THSD7A: variants seen among roughly 807,000 people sequenced by gnomAD.
THSD7A encodes the protein thrombospondin type-1 domain-containing protein 7A.
THSD7A carries 96 observed loss-of-function variants against 231.3 expected under a neutral mutation model. That is an observed-to-expected ratio of 0.41 (90% CI 0.35 to 0.49). The LOEUF (loss-of-function observed/expected upper bound fraction) is 0.49, where lower values mean the gene tolerates loss of function less well. Ranked by LOEUF, THSD7A falls within the 20% of genes least tolerant of loss-of-function variation. The pLI, the probability that THSD7A is intolerant of heterozygous loss-of-function variation, is 0.05. For missense variants in THSD7A, 2,290 were observed against 2,070.2 expected, an observed-to-expected ratio of 1.11 and a Z score of -2.06; for synonymous variants, 940 against 743.3, an observed-to-expected ratio of 1.26 and a Z score of -4.30.
chr7:11,472,300 A>C (rs1785969356), intron 8 of THSD7A, among the ~76,000 whole-genome samples: 1 of 152,082 alleles, frequency 6.6e-6, no homozygotes, highest in Non-Finnish European at 1.5e-5. Context: ...ATAGGAACTG[A>C]AGTTTGTTAC....
At chr7:11,563,134 G>A (rs6979760) in intron 4 of THSD7A, among the ~76,000 whole-genome samples, 85,130 of 151,810 alleles carry the variant, frequency 0.56, 24,162 homozygotes, top group Middle Eastern at 0.67. Context: ...AATCATAGAA[G>A]TTTATTTCCT....
At chr7:11,422,155 G>A (rs112591398) in intron 16 of THSD7A, among the ~76,000 whole-genome samples, 1 of 151,608 alleles carries the variant, frequency 6.6e-6, no homozygotes. Context: ...GATTTAAAAA[G>A]CAACAATAAC....
chr7:11,631,356 G>A (rs1781648437), intron 2 of THSD7A, among the ~76,000 whole-genome samples: 1 of 152,038 alleles, frequency 6.6e-6, no homozygotes, highest in South Asian at 2.1e-4. Context: ...GCAGGGGAGT[G>A]GAGTAAAATT....
Position 11,402,022 on chromosome 7 carries a change from C to T in THSD7A, c.4238-54G>A, listed in dbSNP as rs553888560. ...CCATATCCACAGAGAAAAGCCAGCC[C>T]GATAATCATTTTAATTCCAACCCCA... On this transcript the variant is annotated intron_variant, in intron 22 of 27. Coordinates refer to ENST00000423059, the MANE Select transcript of THSD7A (RefSeq NM_015204.3). 71 of 1,505,962 alleles carry T rather than the reference C, an allele frequency of 4.7e-5. No individual in the cohort carries two copies. In the African/African-American group the frequency reaches 6.4e-4, roughly 14 times the overall value. 93.3% of individuals were successfully genotyped at this position (1,505,962 alleles called of 1,614,324 possible).
intron 4 of THSD7A, among the ~76,000 whole-genome samples, chr7:11,584,816 T>C (rs531437782): frequency 2.4e-4 from 36 of 152,336 alleles, no homozygotes; most frequent in African/African-American, 8.2e-4. Flanking sequence ...GACTAGATCA[T>C]GTGTCCTCTA....
chr7:11,471,620 T>A (rs554945680), intron 8 of THSD7A, among the ~76,000 whole-genome samples: 3 of 148,758 alleles, frequency 2.0e-5, no homozygotes, highest in Non-Finnish European at 4.4e-5. Context: ...TATTTAAGGA[T>A]TCAACATTTC....
Position 11,636,752 on chromosome 7 carries a change from GCT to G in THSD7A, c.398_399del (p.Gln133ProfsTer12). On this transcript the variant is annotated frameshift_variant, in exon 2 of 28. Coordinates refer to ENST00000423059, the MANE Select transcript of THSD7A (RefSeq NM_015204.3). LOFTEE classifies it high-confidence loss of function. The surrounding 1 kb of genome is among the most constrained non-coding windows in gnomAD (Gnocchi z 10.0). ...DWRLGPWNQCQPVISKSLEKP... is the reference protein window; with the variant it reads ...DWRLGPWNQCXPVISKSLEKP... Reference sequence around the variant, plus strand: ...TTCTCTAGGCTTTTTGAAATCACGGGCTGACACTGATTCCAAGGTCCCAGTCT... The same window carrying G: ...TTCTCTAGGCTTTTTGAAATCACGGGGACACTGATTCCAAGGTCCCAGTCT... 6.2e-7 allele frequency: 1 copy of G among 1,613,682 alleles called. No individual in the cohort carries two copies. The highest frequency in any genetic ancestry group is 2.2e-5 in the East Asian group (1 of 44,868).
At chr7:11,379,332 T>C in intron 25 of THSD7A, 52 bp from the exon 26 acceptor site, 1 of 1,572,126 alleles carries the variant, frequency 6.4e-7, no homozygotes, top group South Asian at 1.1e-5. Context: ...TCTTTGGAAG[T>C]CTAACAGACC....
chr7:11,685,813 T>G (rs943263839), intron 1 of THSD7A, among the ~76,000 whole-genome samples: 4 of 151,980 alleles, frequency 2.6e-5, no homozygotes, highest in Non-Finnish European at 5.9e-5. Context: ...ATTTGAAGAT[T>G]TCTCAAAGAA....
chr7:11,759,650 A>ATACACATACACC (rs1491039145), intron 1 of THSD7A, among the ~76,000 whole-genome samples: 2 of 152,074 alleles, frequency 1.3e-5, no homozygotes, highest in East Asian at 3.9e-4. Context: ...ACACATACAC[A>ATACACATACACC]TATACACACA....
At chr7:11,456,679 C>T (rs926898942) in intron 11 of THSD7A, among the ~76,000 whole-genome samples, 21 of 151,836 alleles carry the variant, frequency 1.4e-4, no homozygotes, top group African/African-American at 5.1e-4. Context: ...CTTTGTAGGC[C>T]ATATGGGTCT....
chr7:11,397,747 T>G (rs1783242787), intron 23 of THSD7A, among the ~76,000 whole-genome samples: 1 of 152,120 alleles, frequency 6.6e-6, no homozygotes, highest in Non-Finnish European at 1.5e-5. Flanking sequence ...GCGAAGAATA[T>G]GAACAGACAC....
chr7:11,437,588 A>T (rs1784674298), intron 13 of THSD7A, among the ~76,000 whole-genome samples: 1 of 152,110 alleles, frequency 6.6e-6, no homozygotes, highest in South Asian at 2.1e-4. Flanking sequence ...TGAAAATCTG[A>T]AATGCATTAG....
intron 1 of THSD7A, among the ~76,000 whole-genome samples, chr7:11,785,912 C>T (rs986848274): frequency 2.6e-5 from 4 of 152,022 alleles, no homozygotes; most frequent in African/African-American, 9.7e-5. Flanking sequence ...ATTCATCTTT[C>T]ACTAAATTTT....
intron 13 of THSD7A, among the ~76,000 whole-genome samples, chr7:11,429,468 A>G (rs569801284): frequency 6.7e-4 from 102 of 152,346 alleles, no homozygotes; most frequent in African/African-American, 2.3e-3. Flanking sequence ...TTAAAAAATT[A>G]TAACAGTTTT....
At chr7:11,776,080 G>A (rs148524867) in intron 1 of THSD7A, among the ~76,000 whole-genome samples, 85 of 152,230 alleles carry the variant, frequency 5.6e-4, no homozygotes, top group African/African-American at 1.8e-3. Context: ...TTCTGATGTC[G>A]AAGCAGATGT....
intron 1 of THSD7A, among the ~76,000 whole-genome samples, chr7:11,825,955 G>T (rs1253999500): frequency 6.6e-6 from 1 of 152,128 alleles, no homozygotes; most frequent in Non-Finnish European, 1.5e-5. Flanking sequence ...TACCTGGAAT[G>T]ATATCCCTCT....
At chr7:11,739,128 C>T (rs964685137) in intron 1 of THSD7A, among the ~76,000 whole-genome samples, 17 of 152,086 alleles carry the variant, frequency 1.1e-4, no homozygotes, top group Middle Eastern at 3.4e-3. Context: ...CCTTGAAAGA[C>T]ATACATAATT....
chr7:11,824,843 G>T (rs549064181), intron 1 of THSD7A, among the ~76,000 whole-genome samples: 2 of 152,188 alleles, frequency 1.3e-5, no homozygotes, highest in South Asian at 4.1e-4. Flanking sequence ...ATTGAGAATT[G>T]ATAGGTGACA....
Sources: gnomAD v4.1 joint callset for allele counts (sites outside exome capture counted in the v4.1 genomes callset) on GRCh38, gnomAD v4.1.1 for gene constraint, Gnocchi (gnomAD v3.1) non-coding constraint, MANE v1.5 for transcripts, NCBI Gene and HGNC (gene_info 2026-07-23, HGNC 2026-07-21) for gene names.